Variants in ADAMTS16 observed in about 807,000 individuals in gnomAD.
ADAMTS16 encodes ADAM metallopeptidase with thrombospondin type 1 motif 16, also known as A disintegrin and metalloproteinase with thrombospondin motifs 16.
ADAMTS16 carries 94 observed loss-of-function variants against 145.8 expected under a neutral mutation model. The ratio of observed to expected loss-of-function variants is 0.64; its 90% confidence interval spans 0.55 to 0.77. The LOEUF (loss-of-function observed/expected upper bound fraction) is 0.77. ADAMTS16 is among the 30% of genes least tolerant of loss of function. ADAMTS16 has a pLI of 0.00. For missense variants in ADAMTS16, 1,585 were observed against 1,591.5 expected, an observed-to-expected ratio of 1.00 and a Z score of 0.07; for synonymous variants, 659 against 604.3, an observed-to-expected ratio of 1.09 and a Z score of -1.33.
chr5:5,275,194 T>C (rs1305559047), intron 18 of ADAMTS16, among the ~76,000 whole-genome samples: 1 of 152,244 alleles, frequency 6.6e-6, no homozygotes. Context: ...ACCATTGCTC[T>C]ATTCTCTGAC....
chr5:5,167,087 T>C (rs1259182159), intron 3 of ADAMTS16, among the ~76,000 whole-genome samples: 2 of 152,252 alleles, frequency 1.3e-5, no homozygotes, highest in Non-Finnish European at 2.9e-5. Flanking sequence ...CTTCTTCTTT[T>C]TTTGTACTGC....
intron 21 of ADAMTS16, among the ~76,000 whole-genome samples, chr5:5,313,424 G>A (rs75697558): frequency 0.031 from 4,778 of 152,252 alleles, 246 homozygotes; most frequent in African/African-American, 0.11. Flanking sequence ...GCAGGGCAGC[G>A]CAGGACTGAT....
At chr5:5,273,828 T>C (rs1738578145) in intron 18 of ADAMTS16, among the ~76,000 whole-genome samples, 1 of 152,198 alleles carries the variant, frequency 6.6e-6, no homozygotes, top group Non-Finnish European at 1.5e-5. Context: ...ATTGAACTTA[T>C]TTCATGAAAC....
In ADAMTS16 at chr5:5,231,549, G is replaced by A. The variant is rs577518906; in HGVS notation, c.1702-819G>A. Among the ~76,000 whole-genome samples the A allele has an allele frequency of 1.4e-4, 22 of 152,178 alleles. No homozygotes were observed. The East Asian group carries it at 4.2e-3, about 29-fold the overall frequency. On this transcript the variant is annotated intron_variant, in intron 11 of 22. Transcript: ENST00000274181. ...GCTCTTCTCACTCCACTGGGGCCAG[G>A]ACAAGAGACAAACATCTTCCTTCTT...
chr5:5,256,102 T>A (rs554745500), intron 17 of ADAMTS16, among the ~76,000 whole-genome samples: 1 of 152,364 alleles, frequency 6.6e-6, no homozygotes. Flanking sequence ...TTTACATTCC[T>A]CTTTTATTTC....
chr5:5,181,399 G>A (rs1017263636), intron 3 of ADAMTS16, among the ~76,000 whole-genome samples: 2 of 152,064 alleles, frequency 1.3e-5, no homozygotes. Context: ...GTCTCTCTAC[G>A]ATTTTTAACG....
At chr5:5,218,526 C>A (rs1450686413) in intron 10 of ADAMTS16, among the ~76,000 whole-genome samples, 1 of 152,236 alleles carries the variant, frequency 6.6e-6, no homozygotes, top group African/African-American at 2.4e-5. Context: ...GCTCCTTCAG[C>A]TTCTCCATCT....
rs1387974019 is a variant in ADAMTS16 at position 5,317,289 on chromosome 5, C to T, written c.3412-845C>T. On this transcript the variant is annotated intron_variant, in intron 21 of 22. Transcript: ENST00000274181. This position sits in a 1 kb window ranked among gnomAD's most constrained non-coding sequence, Gnocchi z 4.5. The stretch of plus-strand genomic sequence containing the variant: ...GATAACTTGTAGGTAACTTTATTGG[C>T]AGGGGGATCTAAGTTTGTTCTTCCT... Among the ~76,000 whole-genome samples, 1 of 152,182 alleles carries T rather than the reference C, an allele frequency of 6.6e-6. No individual in the cohort carries two copies. The highest frequency in any genetic ancestry group is 1.9e-4 in the East Asian group (1 of 5,192).
intron 14 of ADAMTS16, among the ~76,000 whole-genome samples, chr5:5,238,265 G>T (rs546974373): frequency 6.6e-6 from 1 of 152,178 alleles, no homozygotes; most frequent in African/African-American, 2.4e-5. Context: ...CTGTGAAAAT[G>T]TGGGGGACCT....
At chr5:5,218,532 C>A (rs879857725) in intron 10 of ADAMTS16, among the ~76,000 whole-genome samples, 3 of 152,210 alleles carry the variant, frequency 2.0e-5, no homozygotes, top group Admixed American at 2.0e-4. Context: ...TCAGCTTCTC[C>A]ATCTGTGGAT....
intron 3 of ADAMTS16, among the ~76,000 whole-genome samples, chr5:5,168,632 T>TA (rs1456195492): frequency 7.1e-5 from 6 of 84,562 alleles, no homozygotes; most frequent in African/African-American, 2.4e-4. Flanking sequence ...ATATTATATA[T>TA]AATATATATA....
At chr5:5,173,863 ATT>A (rs1735117159) in intron 3 of ADAMTS16, among the ~76,000 whole-genome samples, 1 of 152,204 alleles carries the variant, frequency 6.6e-6, no homozygotes, top group African/African-American at 2.4e-5. Context: ...GTCCTCCAGC[ATT>A]TTAACTTTTT....
chr5:5,199,910 G>T (rs1469827512), intron 8 of ADAMTS16, among the ~76,000 whole-genome samples: 1 of 152,184 alleles, frequency 6.6e-6, no homozygotes, highest in Non-Finnish European at 1.5e-5. Flanking sequence ...TGATATTGGT[G>T]TACACTTTGA....
rs181092358 is a variant in ADAMTS16 at position 5,177,665 on chromosome 5, T to C, written c.502-4379T>C. 2.6e-5 allele frequency among the ~76,000 whole-genome samples: 4 copies of C among 152,322 alleles called. No individual in the cohort carries two copies. In the East Asian group the frequency reaches 7.7e-4, roughly 29 times the overall value. The stretch of plus-strand genomic sequence containing the variant: ...GCAAAGTTTCACTTTGATTAAAGTT[T>C]GATAAAAGTTGAAATTATCTAGTGT... On this transcript the variant is annotated intron_variant, in intron 3 of 22. Coordinates refer to ENST00000274181, the MANE Select transcript of ADAMTS16 (RefSeq NM_139056.4).
intron 7 of ADAMTS16, among the ~76,000 whole-genome samples, chr5:5,191,182 C>G (rs952602917): frequency 6.6e-6 from 1 of 152,140 alleles, no homozygotes; most frequent in African/African-American, 2.4e-5. Flanking sequence ...CTGATTTTGC[C>G]CTGTGTCCTT....
At chr5:5,253,035 C>T (rs1737675008) in intron 17 of ADAMTS16, among the ~76,000 whole-genome samples, 1 of 152,202 alleles carries the variant, frequency 6.6e-6, no homozygotes, top group South Asian at 2.1e-4. Flanking sequence ...TAAATGTGCT[C>T]ATGCCTCCAT....
chr5:5,190,139 C>T lies in ADAMTS16; in HGVS notation c.1207+9C>T, dbSNP rs760635901. The T allele has an allele frequency of 1.0e-4, 162 of 1,579,430 alleles. No individual in the cohort carries two copies. The highest frequency in any genetic ancestry group is 1.4e-4 in the Non-Finnish European group (159 of 1,162,740). Reference sequence around the variant, plus strand: ...GCCCTGTGACACTTTGGGTGAGAACCTCCAGCAGAGTGTGAGGACCGTGTG... The same window carrying T: ...GCCCTGTGACACTTTGGGTGAGAACTTCCAGCAGAGTGTGAGGACCGTGTG... On this transcript the variant is annotated intron_variant, in intron 7 of 22. Transcript: ENST00000274181.
At chr5:5,241,639 G>T (rs1026322361) in intron 16 of ADAMTS16, among the ~76,000 whole-genome samples, 1 of 152,168 alleles carries the variant, frequency 6.6e-6, no homozygotes, top group Non-Finnish European at 1.5e-5. Flanking sequence ...GCAGGGATTT[G>T]CTCAGATGCA....
chr5:5,209,726 C>T (rs1736223308), intron 10 of ADAMTS16, among the ~76,000 whole-genome samples: 1 of 152,024 alleles, frequency 6.6e-6, no homozygotes. Context: ...CTCCGTCAAC[C>T]CCAGGAACTT....
Sources: allele counts gnomAD v4.1 joint callset (sites outside exome capture counted in the v4.1 genomes callset), GRCh38; gene constraint gnomAD v4.1.1; non-coding constraint Gnocchi (gnomAD v3.1); transcripts MANE v1.5; gene names NCBI Gene and HGNC (gene_info 2026-07-23, HGNC 2026-07-21).